PEBP4: variants seen among roughly 807,000 people sequenced by gnomAD.
PEBP4 encodes the protein phosphatidylethanolamine binding protein 4, also known as phosphatidylethanolamine-binding protein 4.
PEBP4 carries 22 observed loss-of-function variants against 23.9 expected under a neutral mutation model. The ratio of observed to expected loss-of-function variants is 0.92; its 90% confidence interval spans 0.66 to 1.31. The LOEUF (loss-of-function observed/expected upper bound fraction) is 1.31, where lower values mean the gene tolerates loss of function less well. Ranked by LOEUF, PEBP4 falls within the 40% of genes most tolerant of loss-of-function variation. PEBP4 has a pLI of 0.00. For synonymous variants in PEBP4, 112 were observed against 99.3 expected, an observed-to-expected ratio of 1.13 and a Z score of -0.76; for missense variants, 324 against 281.7, an observed-to-expected ratio of 1.15 and a Z score of -1.07.
intron 3 of PEBP4, among the ~76,000 whole-genome samples, chr8:22,872,129 A>G (rs1182018014): frequency 6.6e-6 from 1 of 152,236 alleles, no homozygotes; most frequent in Non-Finnish European, 1.5e-5. Context: ...ATGGCTGGGT[A>G]GTATCCTATG....
chr8:22,763,010 C>A (rs1805540955), intron 4 of PEBP4, among the ~76,000 whole-genome samples: 1 of 146,238 alleles, frequency 6.8e-6, no homozygotes, highest in South Asian at 2.2e-4. Context: ...TGAAAGAAGT[C>A]TTTTTTTTTT....
intron 3 of PEBP4, among the ~76,000 whole-genome samples, chr8:22,830,850 G>T (rs1377637889): frequency 6.6e-6 from 1 of 152,030 alleles, no homozygotes; most frequent in Non-Finnish European, 1.5e-5. Flanking sequence ...CTCCTAACTG[G>T]TCTCTTTGAA....
intron 3 of PEBP4, among the ~76,000 whole-genome samples, chr8:22,856,458 T>A (rs4872035): frequency 0.19 from 28,575 of 152,216 alleles, 2,844 homozygotes; most frequent in Admixed American, 0.24. Flanking sequence ...GGCTCACACC[T>A]GTAATCCCAG....
intron 4 of PEBP4, among the ~76,000 whole-genome samples, chr8:22,791,195 G>A (rs565394748): frequency 6.7e-4 from 102 of 152,276 alleles, no homozygotes; most frequent in African/African-American, 2.3e-3. Flanking sequence ...GCAAGGGGAA[G>A]GGGCTGCCAT....
chr8:22,841,567 A>T (rs1807330089), intron 3 of PEBP4, among the ~76,000 whole-genome samples: 1 of 152,234 alleles, frequency 6.6e-6, no homozygotes, highest in East Asian at 1.9e-4. Flanking sequence ...TGGAAGAGGA[A>T]TTGTGCAATG....
chr8:22,869,690 A>C (rs1368275825), intron 3 of PEBP4, among the ~76,000 whole-genome samples: 2 of 152,258 alleles, frequency 1.3e-5, no homozygotes, highest in African/African-American at 4.8e-5. Context: ...AAACATACAA[A>C]GAACTCTGAA....
chr8:22,788,276 C>T lies in PEBP4; in HGVS notation c.357+29361G>A, dbSNP rs1288473972. Among the ~76,000 whole-genome samples the T allele has an allele frequency of 3.3e-5, 5 of 151,982 alleles. No homozygotes were observed. In the South Asian group the frequency reaches 8.3e-4, roughly 25 times the overall value. On this transcript the variant is annotated intron_variant, in intron 4 of 6. Transcript: ENST00000256404. ...CACCGAGAAACCCCTGGGACAAGAA[C>T]TGCATGTTTCCATCAGAAAGTGGCT...
chr8:22,905,275 CT>C (rs147828166), intron 3 of PEBP4, among the ~76,000 whole-genome samples: 23,590 of 149,844 alleles, frequency 0.16, 1,988 homozygotes, highest in Non-Finnish European at 0.2. Flanking sequence ...CATTAACATC[CT>C]TTTTTTTTAA....
intron 3 of PEBP4, among the ~76,000 whole-genome samples, chr8:22,879,866 T>G (rs1305691057): frequency 6.6e-6 from 1 of 152,204 alleles, no homozygotes; most frequent in African/African-American, 2.4e-5. Context: ...AGAAAAAAAT[T>G]TTCTGGTGTG....
chr8:22,865,731 C>G lies in PEBP4; in HGVS notation c.259-47996G>C, dbSNP rs1023247357. On this transcript the variant is annotated intron_variant, in intron 3 of 6. Transcript: ENST00000256404. The surrounding 1 kb of genome is among the most constrained non-coding windows in gnomAD (Gnocchi z 6.9). ...CAGAGGAAAGGGGAGAGGAATCTCC[C>G]CACCGGATCTGGTGGGCGGAAGATG... is the stretch of plus-strand genomic sequence containing the variant. Among the ~76,000 whole-genome samples the G allele has an allele frequency of 3.3e-5, 5 of 152,256 alleles. No individual in the cohort carries two copies. Among genetic ancestry groups the G allele is most frequent in the African/African-American group, 9.6e-5 (4 of 41,574 alleles).
chr8:22,804,462 T>A (rs1395600937), intron 4 of PEBP4, among the ~76,000 whole-genome samples: 2 of 152,026 alleles, frequency 1.3e-5, no homozygotes, highest in Non-Finnish European at 2.9e-5. Flanking sequence ...GATGCACATT[T>A]TTTCTTTCTT....
intron 3 of PEBP4, among the ~76,000 whole-genome samples, chr8:22,857,700 G>A (rs1368202182): frequency 2.6e-5 from 4 of 152,170 alleles, no homozygotes; most frequent in Admixed American, 2.6e-4. Context: ...GGAGGTGGAA[G>A]TGGGTTACTA....
chr8:22,898,036 T>C (rs544580295), intron 3 of PEBP4, among the ~76,000 whole-genome samples: 8 of 152,268 alleles, frequency 5.3e-5, no homozygotes, highest in African/African-American at 1.4e-4. Flanking sequence ...CTGAATCTTC[T>C]GGCACCTTGA....
chr8:22,745,068 A>C (rs1243910516), intron 4 of PEBP4, among the ~76,000 whole-genome samples: 1 of 152,166 alleles, frequency 6.6e-6, no homozygotes, highest in African/African-American at 2.4e-5. Flanking sequence ...GTGTTCAGAA[A>C]ATTGATTCTG....
intron 4 of PEBP4, among the ~76,000 whole-genome samples, chr8:22,739,698 G>A (rs1216348512): frequency 6.6e-6 from 1 of 152,118 alleles, no homozygotes; most frequent in Non-Finnish European, 1.5e-5. Flanking sequence ...TGGCTCAGCA[G>A]TCTCCCCGAG....
At chr8:22,920,531 A>G (rs1425317626) in intron 2 of PEBP4, among the ~76,000 whole-genome samples, 2 of 152,232 alleles carry the variant, frequency 1.3e-5, no homozygotes, top group Non-Finnish European at 2.9e-5. Context: ...TCATGGAGTC[A>G]GTGTGAGAAG....
intron 3 of PEBP4, among the ~76,000 whole-genome samples, chr8:22,882,375 C>T (rs1158810888): frequency 2.6e-5 from 4 of 152,164 alleles, no homozygotes; most frequent in South Asian, 4.1e-4. Context: ...CAGAGGGGGG[C>T]GGAGCCAGCA....
intron 6 of PEBP4, among the ~76,000 whole-genome samples, chr8:22,714,291 G>C (rs1352795747): frequency 3.9e-5 from 6 of 152,204 alleles, no homozygotes; most frequent in African/African-American, 1.2e-4. Flanking sequence ...CTGGGGCATG[G>C]AGTGAGGCTG....
chr8:22,884,472 T>G (rs1808331537), intron 3 of PEBP4: 1 of 152,180 alleles, frequency 6.6e-6, no homozygotes, highest in Non-Finnish European at 1.5e-5. Flanking sequence ...GATGGCACGG[T>G]TCACCTGGCT....
Sources: gnomAD v4.1 joint callset for allele counts (sites outside exome capture counted in the v4.1 genomes callset) on GRCh38, gnomAD v4.1.1 for gene constraint, Gnocchi (gnomAD v3.1) non-coding constraint, MANE v1.5 for transcripts, NCBI Gene and HGNC (gene_info 2026-07-23, HGNC 2026-07-21) for gene names.